The following IFT88 variants were observed in gnomAD, a reference collection of about 807,000 sequenced individuals.
The protein encoded by IFT88 is intraflagellar transport 88.
In IFT88, 74 loss-of-function variants were observed where a neutral mutation model predicts 119.5. That is an observed-to-expected ratio of 0.62 (90% confidence interval 0.51 to 0.75). IFT88 has a LOEUF of 0.75. Among genes scored for constraint, IFT88 ranks in the 30% least tolerant of loss-of-function variants. IFT88 has a pLI of 0.00. For missense variants in IFT88, 961 were observed against 977.7 expected, an observed-to-expected ratio of 0.98 and a Z score of 0.23; for synonymous variants, 279 against 316.7, an observed-to-expected ratio of 0.88 and a Z score of 1.26.
intron 23 of IFT88, among the ~76,000 whole-genome samples, chr13:20,668,577 C>T (rs1414200350): frequency 2.0e-5 from 3 of 152,106 alleles, no homozygotes; most frequent in Non-Finnish European, 4.4e-5. Context: ...CACTGATTCT[C>T]AACTGCAAAT....
chr13:20,621,378 A>G (rs2046445469), intron 14 of IFT88, among the ~76,000 whole-genome samples: 2 of 152,014 alleles, frequency 1.3e-5, no homozygotes, highest in Non-Finnish European at 2.9e-5. Context: ...AGTTTATGGT[A>G]TTTCATTATA....
intron 1 of IFT88, chr13:20,567,808 T>C: frequency 7.6e-7 from 1 of 1,318,484 alleles, no homozygotes; most frequent in East Asian, 2.5e-5. Flanking sequence ...CAAGATTCTT[T>C]CTAAGCCTAA....
intron 7 of IFT88, among the ~76,000 whole-genome samples, chr13:20,595,816 G>A (rs1157965374): frequency 6.6e-6 from 1 of 152,040 alleles, no homozygotes; most frequent in East Asian, 1.9e-4. Context: ...GAGGAGGGAG[G>A]ATCGCTTGAG....
chr13:20,626,967 T>C (rs2140001511), intron 15 of IFT88, among the ~76,000 whole-genome samples: 1 of 152,268 alleles, frequency 6.6e-6, no homozygotes, highest in East Asian at 1.9e-4. Flanking sequence ...TCTTCCTATT[T>C]AGAGAACTTT....
chr13:20,596,645 T>C (rs1428122497), intron 8 of IFT88, among the ~76,000 whole-genome samples: 4 of 152,230 alleles, frequency 2.6e-5, no homozygotes, highest in South Asian at 2.1e-4. Flanking sequence ...AAAATTAGTT[T>C]GCTTTTTGGG....
At chr13:20,577,639 G>T (rs112662275) in intron 2 of IFT88, among the ~76,000 whole-genome samples, 1 of 151,954 alleles carries the variant, frequency 6.6e-6, no homozygotes, top group African/African-American at 2.4e-5. Context: ...TTATTCTGTC[G>T]ATATGATGTA....
At chr13:20,678,406 C>A (rs1484449153) in intron 24 of IFT88, among the ~76,000 whole-genome samples, 4 of 152,174 alleles carry the variant, frequency 2.6e-5, no homozygotes, top group African/African-American at 4.8e-5. Flanking sequence ...TGACAGTAAG[C>A]CAGTGCTAAG....
At chr13:20,619,077 CG>C (rs969269134) in intron 14 of IFT88, among the ~76,000 whole-genome samples, 15 of 152,014 alleles carry the variant, frequency 9.9e-5, no homozygotes, top group Non-Finnish European at 2.9e-5. Context: ...AGGATGGTCT[CG>C]ATCTCCTGAC....
chr13:20,618,787 A>T (rs2046041325), intron 14 of IFT88, among the ~76,000 whole-genome samples: 1 of 152,088 alleles, frequency 6.6e-6, no homozygotes, highest in South Asian at 2.1e-4. Flanking sequence ...TGCAATTTTT[A>T]CTATGAATTC....
chr13:20,596,735 A>G (rs1409626940), intron 8 of IFT88, among the ~76,000 whole-genome samples: 1 of 152,128 alleles, frequency 6.6e-6, no homozygotes, highest in Non-Finnish European at 1.5e-5. Flanking sequence ...ATATCATATA[A>G]ATATAATTTC....
At chr13:20,637,698 G>A (rs1051964441) in intron 16 of IFT88, among the ~76,000 whole-genome samples, 12 of 152,144 alleles carry the variant, frequency 7.9e-5, no homozygotes, top group Admixed American at 3.9e-4. Context: ...GAGACTAAAG[G>A]CCACTGCTTC....
At chr13:20,595,271 C>T (rs1165744245) in intron 7 of IFT88, among the ~76,000 whole-genome samples, 8 of 151,942 alleles carry the variant, frequency 5.3e-5, no homozygotes, top group East Asian at 1.9e-4. Context: ...AAGAACCTGT[C>T]GTTTATTTTT....
chr13:20,593,913 T>TTA, intron 7 of IFT88, among the ~76,000 whole-genome samples: 1 of 151,964 alleles, frequency 6.6e-6, no homozygotes, highest in Non-Finnish European at 1.5e-5. Flanking sequence ...TAGCTGGGTA[T>TTA]GGTGGCACAC....
intron 20 of IFT88, among the ~76,000 whole-genome samples, chr13:20,652,906 G>C (rs774873119): frequency 6.6e-6 from 1 of 152,170 alleles, no homozygotes; most frequent in Non-Finnish European, 1.5e-5. Flanking sequence ...TCTAGCAAAT[G>C]CAGGGGATAC....
intron 12 of IFT88, among the ~76,000 whole-genome samples, chr13:20,603,207 G>A (rs2042886371): frequency 6.6e-6 from 1 of 151,972 alleles, no homozygotes; most frequent in Non-Finnish European, 1.5e-5. Flanking sequence ...TCACAGAGTT[G>A]AACTTTTAAT....
intron 9 of IFT88, among the ~76,000 whole-genome samples, chr13:20,597,646 G>A (rs3002163): frequency 0.64 from 96,942 of 151,252 alleles, 32,256 homozygotes; most frequent in Middle Eastern, 0.76. Context: ...TGGGAGGCTG[G>A]AGCAGGAGAA....
intron 24 of IFT88, among the ~76,000 whole-genome samples, chr13:20,687,721 TAAAAAA>T (rs59987973): frequency 6.7e-6 from 1 of 150,070 alleles, no homozygotes; most frequent in Non-Finnish European, 1.5e-5. Context: ...TGTTGCGTGT[TAAAAAA>T]AGAAAAAAAA....
At chr13:20,661,549 A>G (rs8002232) in intron 22 of IFT88, among the ~76,000 whole-genome samples, 32,155 of 152,096 alleles carry the variant, frequency 0.21, 3,934 homozygotes, top group African/African-American at 0.31. Context: ...CCTGACCAAC[A>G]TGAGGAAACC....
chr13:20,607,604 C>T (rs901490912), intron 13 of IFT88: 2 of 761,166 alleles, frequency 2.6e-6, no homozygotes, highest in Non-Finnish European at 4.9e-6. Flanking sequence ...CGCTGCTCAA[C>T]ATCTTGGGCT....
Sources: gnomAD v4.1 joint callset for allele counts (sites outside exome capture counted in the v4.1 genomes callset) on GRCh38, gnomAD v4.1.1 for gene constraint, MANE v1.5 for transcripts, NCBI Gene and HGNC (gene_info 2026-07-23, HGNC 2026-07-21) for gene names.